Variants in STAT6 observed in about 807,000 individuals in gnomAD.
STAT6 encodes signal transducer and activator of transcription 6, also known as STAT, interleukin4-induced.
Under a neutral mutation model 106.3 loss-of-function variants are expected in STAT6, and 45 were observed. That is an observed-to-expected ratio of 0.42 (90% CI 0.33 to 0.54). STAT6 has a LOEUF of 0.54. Among genes scored for constraint, STAT6 ranks in the 20% least tolerant of loss-of-function variants. The pLI, the probability that STAT6 is intolerant of heterozygous loss-of-function variation, is 0.06. For missense variants in STAT6, 797 were observed against 1,062.2 expected (o/e 0.75, Z 3.47); for synonymous variants, 413 against 413.6 (o/e 1.00, Z 0.02).
In STAT6 at chr12:57,106,313, G is replaced by A; in HGVS notation, c.558C>T (p.Thr186=). Residue 186 remains threonine (T), a synonymous_variant, in exon 7 of 22, where the codon ACC becomes ACT. Transcript: ENST00000300134. ...SEALAMLLQE[T]TGELEAAKAL... ...CTTTGGCTGCCTCTAGCTCTCCAGTGGTCTCCTGCAGTAGCATGGCCAGGG... is the reference window on the plus strand; with the variant it reads ...CTTTGGCTGCCTCTAGCTCTCCAGTAGTCTCCTGCAGTAGCATGGCCAGGG... The A allele has an allele frequency of 6.2e-7, 1 of 1,614,240 alleles. No individual in the cohort carries two copies. Among genetic ancestry groups the A allele is most frequent in the Non-Finnish European group, 8.5e-7 (1 of 1,180,040 alleles).
In STAT6 at chr12:57,096,841, G is replaced by T. The variant is rs763425373; in HGVS notation, c.2354+9C>A. 1 of 1,614,052 alleles carries T rather than the reference G, an allele frequency of 6.2e-7. No individual in the cohort carries two copies. Among genetic ancestry groups the T allele is most frequent in the Non-Finnish European group, 8.5e-7 (1 of 1,179,984 alleles). ...GCCACCCAGCCTCCACTCCCAAGCT[G>T]CCACTCACCAAGTGCCCTGAGGAAA... On this transcript the variant is annotated intron_variant, in intron 21 of 21. Transcript: ENST00000300134.
Position 57,100,684 on chromosome 12 carries a change from GAA to G in STAT6, c.1513-596_1513-595del, listed in dbSNP as rs747212552. Among the ~76,000 whole-genome samples, 147 of 66,114 alleles carry G rather than the reference GAA, an allele frequency of 2.2e-3. 2 individuals carry two copies. Among genetic ancestry groups the G allele is most frequent in the East Asian group, 6.1e-3 (17 of 2,768 alleles). 43.4% of individuals were successfully genotyped at this position (66,114 alleles called of 152,430 possible). A position where few individuals can be genotyped will look rare whatever the true frequency, so the allele number is the denominator to read the frequency against. On this transcript the variant is annotated intron_variant, in intron 13 of 21. Coordinates refer to ENST00000300134, the MANE Select transcript of STAT6 (RefSeq NM_003153.5). ...AGAAAGAAAGAAAGAAAGAAAGAAAGAAAGAAAGAAAGAAAGAGAAAGAAAGA... is the reference window on the plus strand; with the variant it reads ...AGAAAGAAAGAAAGAAAGAAAGAAAGAGAAAGAAAGAAAGAGAAAGAAAGA...
At chr12:57,102,592 T>C in intron 12 of STAT6, 96 bp from the exon 13 acceptor site, 1 of 1,284,428 alleles carries the variant, frequency 7.8e-7, no homozygotes, top group Non-Finnish European at 1.1e-6. Context: ...GGCCTACCCC[T>C]CCACAGCCCC....
At position 57,099,387 on chromosome 12, in the gene STAT6, G is replaced by A. The variant is rs778863850; in HGVS notation, c.1798C>T (p.Arg600Cys). The A allele has an allele frequency of 1.4e-5, 23 of 1,614,166 alleles. No homozygotes were observed. The highest frequency in any genetic ancestry group is 1.9e-5 in the Non-Finnish European group (22 of 1,180,036). The change falls in exon 16 of 22, where the codon CGC (arginine) becomes TGC (cysteine). Residue 600 changes from arginine (R) to cysteine (C), a missense_variant. Around this residue, in one of 4 missense-constraint regions of STAT6, gnomAD observed 222 missense variants for 354.6 expected, o/e 0.63. Transcript: ENST00000300134. The surrounding 1 kb of genome is among the most constrained non-coding windows in gnomAD (Gnocchi z 4.7). Reference protein sequence around the residue: ...QPFSAKDLSIRSLGDRIRDLA... With the variant: ...QPFSAKDLSICSLGDRIRDLA... Reference sequence around the variant, plus strand: ...TCCCGGATTCGGTCCCCCAGTGAGCGAATGGACAGGTCTTTGGCAGAGAAT... The same window carrying A: ...TCCCGGATTCGGTCCCCCAGTGAGCAAATGGACAGGTCTTTGGCAGAGAAT...
In STAT6 at chr12:57,096,468, G is replaced by T; in HGVS notation, c.*104C>A. On this transcript the variant is annotated 3_prime_UTR_variant, in exon 22 of 22. Transcript: ENST00000300134. The stretch of plus-strand genomic sequence containing the variant: ...CCCAGGAGTAGGTGGGGATAGGAGG[G>T]CACCCTCCCCATCTGCTGCTTGGCA... The T allele has an allele frequency of 1.7e-6, 2 of 1,163,290 alleles. No individual in the cohort carries two copies. Among genetic ancestry groups the T allele is most frequent in the Non-Finnish European group, 2.4e-6 (2 of 823,734 alleles). 72.1% of individuals were successfully genotyped at this position (1,163,290 alleles called of 1,614,324 possible).
chr12:57,104,333 C>G, intron 11 of STAT6, 131 bp downstream of exon 11: 1 of 1,348,664 alleles, frequency 7.4e-7, no homozygotes, highest in South Asian at 1.4e-5. Context: ...TCACCCGGGC[C>G]CCAGTGTGCA....
At chr12:57,100,678 AAG>A (rs1359785178) in intron 13 of STAT6, among the ~76,000 whole-genome samples, 7 of 66,542 alleles carry the variant, frequency 1.1e-4, no homozygotes, top group African/African-American at 3.8e-4. Flanking sequence ...GAAAGAAAGA[AAG>A]AAAGAAAGAA....
chr12:57,106,504 T>G, intron 6 of STAT6, 24 bp downstream of exon 6: 1 of 1,613,694 alleles, frequency 6.2e-7, no homozygotes, highest in Non-Finnish European at 8.5e-7. Context: ...GACCAAGGTC[T>G]CCACCTGTCA....
rs1190729251 is a variant in STAT6 at position 57,105,150 on chromosome 12, C to T, written c.1001+1G>A. 4 of 1,607,602 alleles carry T rather than the reference C, an allele frequency of 2.5e-6. No individual in the cohort carries two copies. The highest frequency in any genetic ancestry group is 3.4e-6 in the Non-Finnish European group (4 of 1,176,278). On this transcript the variant is annotated splice_donor_variant, in intron 9 of 21. Transcript: ENST00000300134. LOFTEE classifies it high-confidence loss of function. ...CAACCCCAGGTCCAATCCCAGCTTACGCTCCAGCCCCAGGACCCTGAGGCA... is the reference window on the plus strand; with the variant it reads ...CAACCCCAGGTCCAATCCCAGCTTATGCTCCAGCCCCAGGACCCTGAGGCA...
intron 13 of STAT6, among the ~76,000 whole-genome samples, chr12:57,101,788 C>A (rs747247384): frequency 5.3e-5 from 8 of 151,690 alleles, no homozygotes; most frequent in Non-Finnish European, 1.0e-4. Flanking sequence ...CGTCAGCCTC[C>A]CATGTAGCTG....
chr12:57,108,137 A>T, intron 2 of STAT6, 26 bp downstream of exon 2: 1 of 1,424,194 alleles, frequency 7.0e-7, no homozygotes, highest in Non-Finnish European at 9.8e-7. Flanking sequence ...GACTTGGGGG[A>T]CCAGCAGGGA....
Position 57,099,086 on chromosome 12 carries a change from G to C in STAT6, c.1892-8C>G, listed in dbSNP as rs1416079230. 5.6e-6 allele frequency: 9 copies of C among 1,614,000 alleles called. No homozygotes were observed. On this transcript the variant is annotated splice_region_variant and splice_polypyrimidine_tract_variant and intron_variant, in intron 16 of 21. Transcript: ENST00000300134. This position sits in a 1 kb window ranked among gnomAD's most constrained non-coding sequence, Gnocchi z 4.7. ...CCTTACCCATCTGTTCAGCTGTTGT[G>C]AGAAGGAAAAGACAGCCATGGAGTG...
In STAT6 at chr12:57,099,349, G is replaced by A; in HGVS notation, c.1836C>T (p.Leu612=). 1 of 1,614,170 alleles carries A rather than the reference G, an allele frequency of 6.2e-7. No individual in the cohort carries two copies. The highest frequency in any genetic ancestry group is 8.5e-7 in the Non-Finnish European group (1 of 1,180,026). Residue 612 remains leucine, a synonymous_variant, in exon 16 of 22, where the codon CTC becomes CTT. Transcript: ENST00000300134. This position sits in a 1 kb window ranked among gnomAD's most constrained non-coding sequence, Gnocchi z 4.7. ...TGGGCTTCTTGGGATAGAGATTTTT[G>A]AGCTGAGCAAGATCCCGGATTCGGT... ...LGDRIRDLAQ[L]KNLYPKKPKD...
chr12:57,105,303 C>T lies in STAT6; in HGVS notation c.849G>A (p.Leu283=), dbSNP rs2136605405. 1 of 1,614,148 alleles carries T rather than the reference C, an allele frequency of 6.2e-7. No individual in the cohort carries two copies. The highest frequency in any genetic ancestry group is 8.5e-7 in the Non-Finnish European group (1 of 1,180,012). The change falls in exon 9 of 22, where the codon CTG becomes CTA. Residue 283 remains leucine (L), a synonymous_variant. Transcript: ENST00000300134. ...CAGCCTGGAACTTGGTCTGAGTCTT[C>T]AGTACCTGGGGGGGCTGCTTCTCCA... ...FLVEKQPPQV[L]KTQTKFQAGV...
At chr12:57,106,485 C>T in intron 6 of STAT6, 43 bp downstream of exon 6, 1 of 1,612,528 alleles carries the variant, frequency 6.2e-7, no homozygotes, top group Non-Finnish European at 8.5e-7. Context: ...ATCCCTCCAG[C>T]TGCACTTTGA....
In STAT6 at chr12:57,104,728, G is replaced by A. The variant is rs765357744; in HGVS notation, c.1087C>T (p.Leu363=). The change falls in exon 10 of 22, where the codon CTG becomes TTG. Residue 363 remains leucine (L), a splice_region_variant and synonymous_variant. Transcript: ENST00000300134. ...GNCCSALFKN[L]LLKKIKRCER... ...CACTGCACCCCAAAGCCCCTCACCA[G>A]GTTCTTGAACAGGGCAGAGCAGCAG... 15 of 1,613,988 alleles carry A rather than the reference G, an allele frequency of 9.3e-6. No homozygotes were observed. Among genetic ancestry groups the A allele is most frequent in the Admixed American group, 1.7e-5 (1 of 60,000 alleles).
rs1170144496 is a variant in STAT6, at chr12:57,105,264, C to T, written c.888G>A (p.Leu296=). ...GGGCCCCCAGGAACCTCAAGCCCAA[C>T]AGGAATCGAACTCCAGCCTGGAACT... ...QTKFQAGVRF[L]LGLRFLGAPA... The change falls in exon 9 of 22, where the codon CTG becomes CTA. Residue 296 remains leucine (L), a synonymous_variant. Transcript: ENST00000300134. 1.2e-6 allele frequency: 2 copies of T among 1,614,044 alleles called. No individual in the cohort carries two copies. Among genetic ancestry groups the T allele is most frequent in the Non-Finnish European group, 1.7e-6 (2 of 1,180,026 alleles).
chr12:57,098,539 C>T lies in STAT6; in HGVS notation c.2125G>A (p.Glu709Lys), dbSNP rs1303958718. 3.1e-6 allele frequency: 5 copies of T among 1,614,064 alleles called. No individual in the cohort carries two copies. In the African/African-American group the frequency reaches 5.3e-5, roughly 17 times the overall value. ...GCTGACAACACGTTGACTGATTCTT[C>T]TGGGGAGAGGCCTTGATACGGGGGG... ...SIPPYQGLSPEESVNVLSAFQ... is the reference protein window; with the variant it reads ...SIPPYQGLSPKESVNVLSAFQ... Residue 709 changes from glutamate (E) to lysine (K), a missense_variant, in exon 19 of 22, where the codon GAA (glutamate) becomes AAA (lysine). This residue lies in a region of STAT6 where 226 missense variants were observed against 236.7 expected (regional missense o/e 0.95). Coordinates refer to ENST00000300134, the MANE Select transcript of STAT6 (RefSeq NM_003153.5).
At chr12:57,102,964 CCTTTTTTTTTTTTTTTTTTTTTT>C (rs2034036669) in intron 11 of STAT6, 43 bp from the exon 12 acceptor site, 2 of 279,904 alleles carry the variant, frequency 7.1e-6, no homozygotes, top group Admixed American at 7.7e-5. Context: ...TTCTTTCTTT[CCTTTTTTTTTTTTTTTTTTTTTT>C]TTTTTTTTTT....
Sources: gnomAD v4.1 joint callset for allele counts (sites outside exome capture counted in the v4.1 genomes callset) on GRCh38, gnomAD v4.1.1 for gene constraint, gnomAD v4.1.1 regional missense constraint, Gnocchi (gnomAD v3.1) non-coding constraint, MANE v1.5 for transcripts, NCBI Gene and HGNC (gene_info 2026-07-23, HGNC 2026-07-21) for gene names.